Variants in DPYD observed in about 807,000 individuals in gnomAD.
DPYD encodes the protein dihydropyrimidine dehydrogenase [NADP(+)].
A neutral mutation model predicts 116.2 loss-of-function variants in DPYD; 109 were observed. That is an observed-to-expected ratio of 0.94 (90% CI 0.80 to 1.10). The LOEUF (loss-of-function observed/expected upper bound fraction) is 1.10. Ranked by LOEUF, DPYD falls within the 50% of genes least tolerant of loss-of-function variation. The pLI is 0.00. For missense variants in DPYD, 1,302 were observed against 1,254.5 expected, an observed-to-expected ratio of 1.04 and a Z score of -0.57; for synonymous variants, 440 against 432.0, an observed-to-expected ratio of 1.02 and a Z score of -0.23.
intron 16 of DPYD, among the ~76,000 whole-genome samples, chr1:97,308,579 A>G (rs1362914539): frequency 1.3e-5 from 2 of 151,886 alleles, no homozygotes; most frequent in East Asian, 1.9e-4. Context: ...GGTCAATAAC[A>G]TCATGAAATG....
chr1:97,200,903 A>G (rs986248399), intron 19 of DPYD, among the ~76,000 whole-genome samples: 4 of 152,144 alleles, frequency 2.6e-5, no homozygotes, highest in Non-Finnish European at 5.9e-5. Flanking sequence ...CAGCAGTTCT[A>G]AGAGAAAGAC....
chr1:97,536,915 C>T (rs146839023), intron 12 of DPYD, among the ~76,000 whole-genome samples: 19 of 152,240 alleles, frequency 1.2e-4, no homozygotes, highest in Middle Eastern at 3.4e-3. Context: ...CAAAGGGTAA[C>T]GGAAATACTC....
At chr1:97,272,659 T>C (rs993547826) in intron 18 of DPYD, among the ~76,000 whole-genome samples, 13 of 152,260 alleles carry the variant, frequency 8.5e-5, no homozygotes, top group African/African-American at 2.9e-4. Context: ...ATCTTGGCTG[T>C]TTAAAAAGGT....
intron 3 of DPYD, among the ~76,000 whole-genome samples, chr1:97,769,063 ATATAACT>A (rs1169507898): frequency 3.3e-5 from 5 of 152,226 alleles, no homozygotes; most frequent in African/African-American, 1.2e-4. Context: ...ATTTACTAAG[ATATAACT>A]TATAAGAGGA....
chr1:97,759,253 G>A (rs1364876140), intron 3 of DPYD, among the ~76,000 whole-genome samples: 1 of 152,118 alleles, frequency 6.6e-6, no homozygotes, highest in Non-Finnish European at 1.5e-5. Flanking sequence ...AAAGTTCTAA[G>A]AGCCCAAGGC....
chr1:97,772,606 T>C (rs959552138), intron 3 of DPYD, among the ~76,000 whole-genome samples: 3 of 152,108 alleles, frequency 2.0e-5, no homozygotes, highest in Admixed American at 6.6e-5. Flanking sequence ...GGCTGACTTG[T>C]GAAAGAAAGA....
At chr1:97,648,083 T>A (rs1658376057) in intron 8 of DPYD, among the ~76,000 whole-genome samples, 1 of 152,034 alleles carries the variant, frequency 6.6e-6, no homozygotes, top group South Asian at 2.1e-4. Context: ...CTACTGAATG[T>A]CAAGTCTGGA....
intron 3 of DPYD, among the ~76,000 whole-genome samples, chr1:97,826,631 G>A (rs1669257739): frequency 6.6e-6 from 1 of 151,886 alleles, no homozygotes; most frequent in Non-Finnish European, 1.5e-5. Context: ...TTATAGCAGT[G>A]GTAATTTTAG....
At chr1:97,916,691 A>C (rs969218981) in intron 1 of DPYD, among the ~76,000 whole-genome samples, 2 of 152,180 alleles carry the variant, frequency 1.3e-5, no homozygotes, top group African/African-American at 4.8e-5. Context: ...CCCAGATTTT[A>C]ATTAAACTAC....
At chr1:97,751,363 A>T (rs1030160873) in intron 3 of DPYD, among the ~76,000 whole-genome samples, 2 of 143,754 alleles carry the variant, frequency 1.4e-5, no homozygotes, top group South Asian at 2.2e-4. Context: ...CATATATATA[A>T]ACACACACAT....
chr1:97,777,354 G>A (rs145144066), intron 3 of DPYD, among the ~76,000 whole-genome samples: 1 of 152,194 alleles, frequency 6.6e-6, no homozygotes, highest in Admixed American at 6.5e-5. Flanking sequence ...TGCAAATAAG[G>A]CCAAAGAGAC....
intron 16 of DPYD, among the ~76,000 whole-genome samples, chr1:97,359,407 T>C (rs182755948): frequency 6.6e-6 from 1 of 152,270 alleles, no homozygotes; most frequent in Admixed American, 6.5e-5. Flanking sequence ...CCAGGAGAAT[T>C]TCCCCAACCT....
intron 3 of DPYD, among the ~76,000 whole-genome samples, chr1:97,743,362 C>T (rs560271434): frequency 6.6e-6 from 1 of 152,184 alleles, no homozygotes; most frequent in African/African-American, 2.4e-5. Context: ...TGCCATTAAT[C>T]CCACTTATCA....
chr1:97,502,927 C>T (rs1679670715), intron 13 of DPYD, among the ~76,000 whole-genome samples: 1 of 151,946 alleles, frequency 6.6e-6, no homozygotes, highest in South Asian at 2.1e-4. Flanking sequence ...TGTAATTCAA[C>T]ATGTGGAAGT....
At chr1:97,377,690 T>C (rs1024248836) in intron 15 of DPYD, among the ~76,000 whole-genome samples, 1 of 152,222 alleles carries the variant, frequency 6.6e-6, no homozygotes, top group Non-Finnish European at 1.5e-5. Context: ...TCCTCTCTTC[T>C]CCTTCTTTCC....
At chr1:97,775,563 T>G (rs933264507) in intron 3 of DPYD, among the ~76,000 whole-genome samples, 10 of 152,186 alleles carry the variant, frequency 6.6e-5, no homozygotes, top group African/African-American at 2.4e-4. Flanking sequence ...GTTATACTTA[T>G]TTAACTTTCT....
rs570283918 is a variant in DPYD at position 97,291,260 on chromosome 1, A to G, written c.2299+13999T>C. 1.1e-4 allele frequency among the ~76,000 whole-genome samples: 16 copies of G among 151,932 alleles called. No individual in the cohort carries two copies. The South Asian group carries it at 3.3e-3, about 32-fold the overall frequency. On this transcript the variant is annotated intron_variant, in intron 18 of 22. Transcript: ENST00000370192. ...GGTGGGACTGTAAACTAGTTCAACCATTATGGAAGTCAGTGTGGCGATTCC... is the reference window on the plus strand; with the variant it reads ...GGTGGGACTGTAAACTAGTTCAACCGTTATGGAAGTCAGTGTGGCGATTCC...
chr1:97,858,747 C>T (rs920712599), intron 2 of DPYD, among the ~76,000 whole-genome samples: 1 of 152,078 alleles, frequency 6.6e-6, no homozygotes, highest in Non-Finnish European at 1.5e-5. Context: ...ATAGGCATTA[C>T]TACCTAGTAC....
At chr1:97,890,000 G>T (rs952879021) in intron 1 of DPYD, among the ~76,000 whole-genome samples, 5 of 152,006 alleles carry the variant, frequency 3.3e-5, no homozygotes, top group African/African-American at 1.2e-4. Flanking sequence ...TATGCTAAGT[G>T]AAAGATGTCA....
Sources: gnomAD v4.1 joint callset for allele counts (sites outside exome capture counted in the v4.1 genomes callset) on GRCh38, gnomAD v4.1.1 for gene constraint, MANE v1.5 for transcripts, NCBI Gene and HGNC (gene_info 2026-07-23, HGNC 2026-07-21) for gene names.